Variants in LYPD6B observed in about 807,000 individuals in gnomAD.
LYPD6B encodes LY6/PLAUR domain containing 6B.
LYPD6B carries 17 observed loss-of-function variants against 22.8 expected under a neutral mutation model. The ratio of observed to expected loss-of-function variants is 0.75; its 90% CI spans 0.51 to 1.12. The LOEUF (loss-of-function observed/expected upper bound fraction) is 1.12. LYPD6B is among the 50% of genes most tolerant of loss of function. The pLI is 0.00. For missense variants in LYPD6B, 221 were observed against 258.3 expected (o/e 0.86, Z 0.99); for synonymous variants, 106 against 91.6 (o/e 1.16, Z -0.90).
intron 2 of LYPD6B, among the ~76,000 whole-genome samples, chr2:149,154,225 C>T (rs6759337): frequency 0.28 from 42,030 of 149,448 alleles, 7,139 homozygotes; most frequent in East Asian, 0.55. Context: ...GACTCTAGGT[C>T]CAATGACTGT....
At chr2:149,099,369 G>A (rs1686078877) in intron 1 of LYPD6B, among the ~76,000 whole-genome samples, 1 of 151,942 alleles carries the variant, frequency 6.6e-6, no homozygotes, top group Admixed American at 6.5e-5. Context: ...AGTCTCAGCT[G>A]GGCAGTAGTT....
At chr2:149,153,474 G>T (rs1228593384) in intron 2 of LYPD6B, among the ~76,000 whole-genome samples, 1 of 147,692 alleles carries the variant, frequency 6.8e-6, no homozygotes, top group Admixed American at 6.7e-5. Flanking sequence ...GAAACTGGGA[G>T]AATAGTTAAG....
chr2:149,213,894 T>C (rs772202426), intron 6 of LYPD6B, among the ~76,000 whole-genome samples: 4 of 152,310 alleles, frequency 2.6e-5, no homozygotes, highest in Non-Finnish European at 5.9e-5. Flanking sequence ...ACCACTGATA[T>C]GGATGCCTAG....
chr2:149,163,405 C>T (rs1690210295), intron 3 of LYPD6B, among the ~76,000 whole-genome samples: 1 of 152,038 alleles, frequency 6.6e-6, no homozygotes, highest in African/African-American at 2.4e-5. Context: ...GCTGACATAC[C>T]CACAAAATAG....
chr2:149,077,409 T>C (rs527299522), intron 1 of LYPD6B: 1 of 152,366 alleles, frequency 6.6e-6, no homozygotes, highest in South Asian at 2.1e-4. Flanking sequence ...CCCTTTGCAT[T>C]TGAAAACCTT....
At chr2:149,051,037 A>G (rs1683527705) in intron 1 of LYPD6B, among the ~76,000 whole-genome samples, 1 of 151,820 alleles carries the variant, frequency 6.6e-6, no homozygotes, top group African/African-American at 2.4e-5. Context: ...TTCTAAACAT[A>G]TATGTATATA....
intron 1 of LYPD6B, among the ~76,000 whole-genome samples, chr2:149,066,835 G>T (rs1296647141): frequency 6.6e-6 from 1 of 151,650 alleles, no homozygotes; most frequent in Non-Finnish European, 1.5e-5. Flanking sequence ...TTAGATTTAG[G>T]GGGTATATGT....
intron 1 of LYPD6B, among the ~76,000 whole-genome samples, chr2:149,098,744 G>A (rs1161848204): frequency 3.9e-4 from 58 of 147,790 alleles, no homozygotes; most frequent in Non-Finnish European, 7.4e-5. Context: ...ATCTACTTAC[G>A]TATATATACA....
intron 1 of LYPD6B, among the ~76,000 whole-genome samples, chr2:149,112,801 G>A (rs1359368743): frequency 6.6e-6 from 1 of 152,104 alleles, no homozygotes; most frequent in Non-Finnish European, 1.5e-5. Flanking sequence ...AACGAACTGG[G>A]ACAACTGTTG....
chr2:149,114,377 T>C (rs1455835033), intron 1 of LYPD6B, among the ~76,000 whole-genome samples: 1 of 152,210 alleles, frequency 6.6e-6, no homozygotes, highest in Non-Finnish European at 1.5e-5. Flanking sequence ...AAATCACTCA[T>C]GATAAAGGAA....
Position 149,213,953 on chromosome 2 carries a change from G to C in LYPD6B, c.460-593G>C, listed in dbSNP as rs1694037614. 2.6e-5 allele frequency among the ~76,000 whole-genome samples: 4 copies of C among 152,180 alleles called. No homozygotes were observed. The South Asian group carries it at 8.3e-4, about 32-fold the overall frequency. ...GTCATCCTGGAAGCCTCTATGAATG[G>C]CTGGGTTTATCAGGTTGAGACATTG... On this transcript the variant is annotated intron_variant, in intron 6 of 6. Coordinates refer to ENST00000409642, the MANE Select transcript of LYPD6B (RefSeq NM_177964.5).
intron 1 of LYPD6B, among the ~76,000 whole-genome samples, chr2:149,079,666 G>A (rs1293694677): frequency 6.6e-6 from 1 of 151,938 alleles, no homozygotes; most frequent in Non-Finnish European, 1.5e-5. Context: ...GCAGATTCAG[G>A]CGTTTGAAGA....
chr2:149,075,982 G>A (rs1684862920), intron 1 of LYPD6B, among the ~76,000 whole-genome samples: 1 of 152,208 alleles, frequency 6.6e-6, no homozygotes, highest in African/African-American at 2.4e-5. Flanking sequence ...GAGGCAGGAG[G>A]CTGACGGAGT....
chr2:149,108,755 C>A (rs888097213), intron 1 of LYPD6B, among the ~76,000 whole-genome samples: 13 of 152,018 alleles, frequency 8.6e-5, no homozygotes, highest in African/African-American at 2.9e-4. Flanking sequence ...CCCTTTTGTT[C>A]TTTGTTCCCC....
At chr2:149,060,118 C>T (rs1684005808) in intron 1 of LYPD6B, among the ~76,000 whole-genome samples, 1 of 152,090 alleles carries the variant, frequency 6.6e-6, no homozygotes, top group Non-Finnish European at 1.5e-5. Flanking sequence ...TAGTGCTGGT[C>T]AGGTCAGATG....
At chr2:149,076,345 C>T (rs1382332988) in intron 1 of LYPD6B, among the ~76,000 whole-genome samples, 1 of 152,088 alleles carries the variant, frequency 6.6e-6, no homozygotes, top group African/African-American at 2.4e-5. Context: ...AAAGAGAATG[C>T]AGCATATAAT....
intron 1 of LYPD6B, among the ~76,000 whole-genome samples, chr2:149,075,488 A>C (rs1317219845): frequency 6.8e-6 from 1 of 146,742 alleles, no homozygotes; most frequent in Non-Finnish European, 1.5e-5. Context: ...TGATGAAGTT[A>C]AATAGTTCAT....
chr2:149,135,034 C>T (rs1250222944), intron 2 of LYPD6B, among the ~76,000 whole-genome samples: 1 of 152,044 alleles, frequency 6.6e-6, no homozygotes, highest in Non-Finnish European at 1.5e-5. Flanking sequence ...CACTTGAGGT[C>T]AGGAGTTCAA....
chr2:149,098,643 A>AAAGAAAGAAAG (rs1553482536), intron 1 of LYPD6B, among the ~76,000 whole-genome samples: 1 of 130,960 alleles, frequency 7.6e-6, no homozygotes, highest in African/African-American at 2.9e-5. Flanking sequence ...AAAAAAAAAA[A>AAAGAAAGAAAG]AAAAAAGAAA....
Sources: gnomAD v4.1 joint callset for allele counts (sites outside exome capture counted in the v4.1 genomes callset) on GRCh38, gnomAD v4.1.1 for gene constraint, MANE v1.5 for transcripts, NCBI Gene and HGNC (gene_info 2026-07-23, HGNC 2026-07-21) for gene names.